The following CELSR2 variants were observed in gnomAD, a reference collection of about 807,000 sequenced individuals.
CELSR2 encodes the protein EGF-like protein 2.
A neutral mutation model predicts 251.6 loss-of-function variants in CELSR2; 81 were observed. That is an observed-to-expected ratio of 0.32 (90% CI 0.27 to 0.39). The LOEUF is 0.39. Ranked by LOEUF, CELSR2 falls within the 10% of genes least tolerant of loss-of-function variation. CELSR2 has a pLI of 1.00. For missense variants in CELSR2, 3,365 were observed against 3,947.7 expected (o/e 0.85, Z 3.96); for synonymous variants, 1,721 against 1,670.5 (o/e 1.03, Z -0.74).
At chr1:109,264,798 G>T (rs752862015) in intron 11 of CELSR2, 70 bp from the exon 12 acceptor site, 38 of 1,610,258 alleles carry the variant, frequency 2.4e-5, no homozygotes, top group Non-Finnish European at 3.2e-5. Flanking sequence ...AGAAACAGAT[G>T]AAGGGTTTGA....
Position 109,262,339 on chromosome 1 carries a change from C to T in CELSR2, c.4439C>T (p.Ala1480Val). The T allele has an allele frequency of 6.2e-7, 1 of 1,614,172 alleles. No homozygotes were observed. Among genetic ancestry groups the T allele is most frequent in the Non-Finnish European group, 8.5e-7 (1 of 1,180,046 alleles). The stretch of plus-strand genomic sequence containing the variant: ...CAGGGCCCATCAGAGCAGAAGGTGG[C>T]TGTGGTGACCGTGGATGGCTGTGAC... ...LPQGPSEQKV[A>V]VVTVDGCDTG... The change falls in exon 6 of 34, where the codon GCT becomes GTT. Residue 1480 changes from alanine (A) to valine (V), a missense_variant. Ala to Val is a moderately conservative substitution (Grantham distance 64). This residue lies in a region of CELSR2 where 2,093 missense variants were observed against 2,382.8 expected (regional missense o/e 0.88). Coordinates refer to ENST00000271332, the MANE Select transcript of CELSR2 (RefSeq NM_001408.3).
chr1:109,274,001 T>A (rs771898789), intron 33 of CELSR2, 21 bp from the exon 34 acceptor site: 2 of 1,614,022 alleles, frequency 1.2e-6, no homozygotes, highest in South Asian at 2.2e-5. Flanking sequence ...TTTCTGCCAC[T>A]TTCCTTTCCT....
At position 109,250,180 on chromosome 1, in the gene CELSR2, T is replaced by C; in HGVS notation, c.101T>C (p.Val34Ala). 6.2e-7 allele frequency: 1 copy of C among 1,601,024 alleles called. No homozygotes were observed. Among genetic ancestry groups the C allele is most frequent in the Non-Finnish European group, 8.5e-7 (1 of 1,175,678 alleles). Residue 34 changes from valine (V) to alanine (A), a missense_variant, in exon 1 of 34, where the codon GTG becomes GCG. Transcript: ENST00000271332. This position sits in a 1 kb window ranked among gnomAD's most constrained non-coding sequence, Gnocchi z 4.4. ...LLPPPLLGDQ[V>A]GPCRSLGSRG... ...CCGCCGCCACTATTGGGAGACCAAG[T>C]GGGGCCCTGTCGTTCCTTGGGGTCC... is the stretch of plus-strand genomic sequence containing the variant.
Position 109,274,255 on chromosome 1 carries a change from T to C in CELSR2, c.*206T>C. On this transcript the variant is annotated 3_prime_UTR_variant, in exon 34 of 34. Transcript: ENST00000271332. ...CTAGTGCCAACTCCCCCCCCACCAT[T>C]CCCCTCACTGCACTTTGGACCCCTG... 7.8e-7 allele frequency: 1 copy of C among 1,284,960 alleles called. No individual in the cohort carries two copies. 79.6% of individuals were successfully genotyped at this position (1,284,960 alleles called of 1,614,324 possible).
chr1:109,260,959 G>C (rs892945988), intron 2 of CELSR2, 83 bp from the exon 3 acceptor site: 14 of 1,050,446 alleles, frequency 1.3e-5, no homozygotes, highest in Non-Finnish European at 2.0e-5. Context: ...GAGGCCATGG[G>C]AGCTATCACT....
chr1:109,268,148 C>T (rs1656257794), intron 17 of CELSR2, 88 bp downstream of exon 17: 3 of 1,492,838 alleles, frequency 2.0e-6, no homozygotes, highest in African/African-American at 1.4e-5. Flanking sequence ...GCAGAGGGGG[C>T]CCTCCCATCC....
rs1274391839 is a variant in CELSR2, at chr1:109,264,258, G to A, written c.5182G>A (p.Gly1728Ser). 3 of 1,613,984 alleles carry A rather than the reference G, an allele frequency of 1.9e-6. No individual in the cohort carries two copies. Among genetic ancestry groups the A allele is most frequent in the Non-Finnish European group, 2.5e-6 (3 of 1,180,012 alleles). The stretch of plus-strand genomic sequence containing the variant: ...CGATTATGGGCAGCAGAGAGCAGAG[G>A]GCAACCTGGGCCCCCGGCTGCATGG... ...SFDYGQQRAE[G>S]NLGPRLHGLH... is the part of the protein sequence containing the mutation. Residue 1728 changes from glycine to serine, a missense_variant, in exon 10 of 34, where the codon GGC (glycine) becomes AGC (serine). Coordinates refer to ENST00000271332, the MANE Select transcript of CELSR2 (RefSeq NM_001408.3).
rs1238635139 is a variant in CELSR2 at position 109,250,263 on chromosome 1, G to C, written c.184G>C (p.Ala62Pro). Residue 62 changes from alanine (A) to proline (P), a missense_variant, in exon 1 of 34, where the codon GCG becomes CCG. Ala to Pro is a conservative substitution (Grantham distance 27). This residue lies in a region of CELSR2 where 704 missense variants were observed against 784.1 expected (regional missense o/e 0.90). Coordinates refer to ENST00000271332, the MANE Select transcript of CELSR2 (RefSeq NM_001408.3). The surrounding 1 kb of genome is among the most constrained non-coding windows in gnomAD (Gnocchi z 4.4). ...CATGGGCTGGCTCTGTCCATCCTCA[G>C]CGTCGAACCTCTGGCTCTACACCAG... ...APMGWLCPSSASNLWLYTSRC... is the reference protein window; with the variant it reads ...APMGWLCPSSPSNLWLYTSRC... 6.2e-7 allele frequency: 1 copy of C among 1,612,498 alleles called. No individual in the cohort carries two copies. Among genetic ancestry groups the C allele is most frequent in the African/African-American group, 1.3e-5 (1 of 75,050 alleles).
Position 109,250,025 on chromosome 1 carries a change from C to A in CELSR2, c.-55C>A. On this transcript the variant is annotated 5_prime_UTR_variant, in exon 1 of 34. Transcript: ENST00000271332. This position sits in a 1 kb window ranked among gnomAD's most constrained non-coding sequence, Gnocchi z 4.4. ...GAGGCGCGGCGGGGCCGGCAGGAGC[C>A]GGAGGAGGAGCCGCCGCCGCCGTTG... The A allele has an allele frequency of 7.8e-7, 1 of 1,277,530 alleles. No homozygotes were observed. The highest frequency in any genetic ancestry group is 9.8e-7 in the Non-Finnish European group (1 of 1,018,872). The allele number at this position is 1,277,530 out of a possible 1,614,324, so 79.1% of individuals were successfully genotyped here.
rs779843956 is a variant in CELSR2, at chr1:109,251,497, G to T, written c.1418G>T (p.Arg473Leu). ...DYETTKEYTL[R>L]VRAQDGGRPP... The stretch of plus-strand genomic sequence containing the variant: ...GAGACGACCAAGGAGTACACCCTAC[G>T]GGTGCGAGCACAGGATGGTGGCCGT... The change falls in exon 1 of 34, where the codon CGG becomes CTG. Residue 473 changes from arginine to leucine, a missense_variant. By Grantham distance (102) the Arg-to-Leu change is moderately radical (BLOSUM62 -2). Transcript: ENST00000271332. This position sits in a 1 kb window ranked among gnomAD's most constrained non-coding sequence, Gnocchi z 4.9. The T allele has an allele frequency of 4.5e-5, 72 of 1,613,588 alleles. No homozygotes were observed. The highest frequency in any genetic ancestry group is 5.8e-5 in the Non-Finnish European group (69 of 1,180,022).
rs1656022484 is a variant in CELSR2, at chr1:109,261,576, C to T, written c.4245C>T (p.Asp1415=). ...LYNGRFNEKH[D]FVALEVIQEQ... is the part of the protein sequence containing the mutation. Reference sequence around the variant, plus strand: ...ATGGGCGTTTCAATGAGAAGCATGACTTTGTGGCCCTCGAGGTGATCCAGG... The same window carrying T: ...ATGGGCGTTTCAATGAGAAGCATGATTTTGTGGCCCTCGAGGTGATCCAGG... The change falls in exon 4 of 34, where the codon GAC becomes GAT. Residue 1415 remains aspartate (D), a synonymous_variant. Coordinates refer to ENST00000271332, the MANE Select transcript of CELSR2 (RefSeq NM_001408.3). The surrounding 1 kb of genome is among the most constrained non-coding windows in gnomAD (Gnocchi z 4.8). 6.2e-7 allele frequency: 1 copy of T among 1,614,064 alleles called. No individual in the cohort carries two copies. The highest frequency in any genetic ancestry group is 8.5e-7 in the Non-Finnish European group (1 of 1,180,030).
chr1:109,271,549 G>A (rs1407846079), intron 27 of CELSR2, 37 bp downstream of exon 27: 4 of 1,614,042 alleles, frequency 2.5e-6, no homozygotes, highest in Non-Finnish European at 3.4e-6. Context: ...GAGGCACCTG[G>A]GCTGTGGATG....
rs536758358 is a variant in CELSR2, at chr1:109,258,700, C to T, written c.3579C>T (p.Pro1193=). Residue 1193 remains proline, a synonymous_variant, in exon 2 of 34, where the codon CCC becomes CCT. Transcript: ENST00000271332. The part of the protein sequence containing the change: ...VSLSVGQPPG[P]GGGPPFLPSE... ...TGTCGGTGGGCCAGCCGCCAGGGCC[C>T]GGGGGCGGGCCGCCCTTCCTGCCCT... 57 of 1,549,692 alleles carry T rather than the reference C, an allele frequency of 3.7e-5. No homozygotes were observed. The highest frequency in any genetic ancestry group is 3.1e-4 in the African/African-American group (23 of 73,054).
At chr1:109,265,124 T>G in intron 12 of CELSR2, 67 bp from the exon 13 acceptor site, 1 of 1,585,682 alleles carries the variant, frequency 6.3e-7, no homozygotes, top group Non-Finnish European at 8.6e-7. Context: ...AAGGGCCACA[T>G]AGGGCTCACC....
rs759563516 is a variant in CELSR2, at chr1:109,267,615, C to T, written c.6081C>T (p.Ser2027=). Residue 2027 remains serine, a synonymous_variant, in exon 16 of 34, where the codon TCC becomes TCT. Transcript: ENST00000271332. The part of the protein sequence containing the change: ...WLPPNLFNCT[S]ITFSELKGFA... Reference sequence around the variant, plus strand: ...CCCCAAACCTCTTCAACTGCACGTCCATCACCTTCTCAGAACTGAAGGGCT... The same window carrying T: ...CCCCAAACCTCTTCAACTGCACGTCTATCACCTTCTCAGAACTGAAGGGCT... The T allele has an allele frequency of 4.3e-6, 7 of 1,614,110 alleles. No homozygotes were observed. In the African/African-American group the frequency reaches 6.7e-5, roughly 15 times the overall value.
In CELSR2 at chr1:109,258,653, G is replaced by C. The variant is rs1270868878; in HGVS notation, c.3532G>C (p.Gly1178Arg). 6.5e-7 allele frequency: 1 copy of C among 1,550,218 alleles called. No individual in the cohort carries two copies. Among genetic ancestry groups the C allele is most frequent in the East Asian group, 2.4e-5 (1 of 41,112 alleles). ...ACAGCGGGACACCGACGCCCCCGGG[G>C]GCCACATCCTCAACGTGAGCCTGTC... ...NVQRDTDAPG[G>R]HILNVSLSVG... Residue 1178 changes from glycine to arginine, a missense_variant, in exon 2 of 34, where the codon GGC becomes CGC. Physicochemically the swap from Gly to Arg is moderately radical, Grantham distance 125 (BLOSUM62 -2). Around this residue, in one of 5 missense-constraint regions of CELSR2, gnomAD observed 2,093 missense variants for 2,382.8 expected, o/e 0.88. Transcript: ENST00000271332.
At chr1:109,253,885 A>T (rs1448844610) in intron 1 of CELSR2, among the ~76,000 whole-genome samples, 1 of 152,186 alleles carries the variant, frequency 6.6e-6, no homozygotes, top group Non-Finnish European at 1.5e-5. Flanking sequence ...AGGGGTCAGG[A>T]CCCTGTAGTC....
In CELSR2 at chr1:109,264,233, C is replaced by T. The variant is rs969139471; in HGVS notation, c.5157C>T (p.Phe1719=). 13 of 1,613,808 alleles carry T rather than the reference C, an allele frequency of 8.1e-6. No individual in the cohort carries two copies. The highest frequency in any genetic ancestry group is 3.3e-5 in the Admixed American group (2 of 60,008). ...SGGPGHAILS[F]DYGQQRAEGN... ...GGCCCGGCCATGCCATTCTGTCCTT[C>T]GATTATGGGCAGCAGAGAGCAGAGG... The change falls in exon 10 of 34, where the codon TTC becomes TTT. Residue 1719 remains phenylalanine (F), a synonymous_variant. Transcript: ENST00000271332.
intron 31 of CELSR2, 37 bp from the exon 32 acceptor site, chr1:109,273,129 C>T (rs761620090): frequency 2.5e-6 from 4 of 1,603,162 alleles, no homozygotes; most frequent in South Asian, 1.1e-5. Flanking sequence ...TGGCTATCTG[C>T]CCTCTGTGGG....
Sources: gnomAD v4.1 joint callset for allele counts (sites outside exome capture counted in the v4.1 genomes callset) on GRCh38, gnomAD v4.1.1 for gene constraint, gnomAD v4.1.1 regional missense constraint, Gnocchi (gnomAD v3.1) non-coding constraint, MANE v1.5 for transcripts, NCBI Gene and HGNC (gene_info 2026-07-23, HGNC 2026-07-21) for gene names.